Variants in PDE1C observed in about 807,000 individuals in gnomAD.
PDE1C encodes the protein phosphodiesterase 1C, also known as dual specificity calcium/calmodulin-dependent 3',5'-cyclic nucleotide phosphodiesterase 1C.
Under a neutral mutation model 93.1 loss-of-function variants are expected in PDE1C, and 62 were observed. The ratio of observed to expected loss-of-function variants is 0.67; its 90% CI spans 0.54 to 0.82. The LOEUF is 0.82. PDE1C is among the 40% of genes least tolerant of loss of function. The pLI, the probability that PDE1C is intolerant of heterozygous loss-of-function variation, is 0.00. For synonymous variants in PDE1C, 325 were observed against 310.1 expected (o/e 1.05, Z -0.50); for missense variants, 742 against 884.6 (o/e 0.84, Z 2.04).
At chr7:31,721,503 G>A in the PDE1C span, among the ~76,000 whole-genome samples, 1 of 152,148 alleles carries the variant, frequency 6.6e-6, no homozygotes, top group African/African-American at 2.4e-5. Flanking sequence ...CCACAGATTT[G>A]GAACATTAAG....
chr7:31,626,432 T>C, the PDE1C span, among the ~76,000 whole-genome samples: 1 of 152,228 alleles, frequency 6.6e-6, no homozygotes, highest in Non-Finnish European at 1.5e-5. Flanking sequence ...ATTAATCTGG[T>C]ACTATTTAGA....
chr7:32,195,599 C>T (rs1319311616), intron 2 of PDE1C, among the ~76,000 whole-genome samples: 1 of 152,084 alleles, frequency 6.6e-6, no homozygotes, highest in African/African-American at 2.4e-5. Context: ...TGCCTGTAAT[C>T]CCAGCACTTT....
At chr7:32,035,656 G>A (rs1178896675) in intron 2 of PDE1C, among the ~76,000 whole-genome samples, 1 of 152,140 alleles carries the variant, frequency 6.6e-6, no homozygotes, top group African/African-American at 2.4e-5. Flanking sequence ...TTCCTTGCGG[G>A]GGTAAAGAGC....
At chr7:31,665,790 C>T in the PDE1C span, among the ~76,000 whole-genome samples, 1 of 152,184 alleles carries the variant, frequency 6.6e-6, no homozygotes, top group Non-Finnish European at 1.5e-5. Context: ...AAGGAACAAA[C>T]TCCCACTCAA....
At chr7:32,402,297 T>C (rs1041004121) in intron 1 of PDE1C, among the ~76,000 whole-genome samples, 24 of 152,022 alleles carry the variant, frequency 1.6e-4, no homozygotes, top group Non-Finnish European at 2.8e-4. Context: ...TTATGGAGAC[T>C]GAGAAGATCC....
At chr7:31,854,262 G>A (rs563005238) in intron 7 of PDE1C, among the ~76,000 whole-genome samples, 8 of 152,258 alleles carry the variant, frequency 5.3e-5, no homozygotes, top group South Asian at 2.1e-4. Context: ...GAAAGTGGGA[G>A]AAGCTATTTT....
intron 1 of PDE1C, among the ~76,000 whole-genome samples, chr7:32,250,575 T>C (rs2392054): frequency 0.99 from 150,182 of 152,294 alleles, 74,098 homozygotes; most frequent in Middle Eastern, 1. Context: ...TGAAATCACA[T>C]GTCAGTGCTG....
intron 1 of PDE1C, among the ~76,000 whole-genome samples, chr7:32,401,520 G>C (rs539014715): frequency 1.4e-5 from 2 of 147,620 alleles, no homozygotes; most frequent in East Asian, 4.0e-4. Context: ...CTGGGCAACA[G>C]AGCAAGACTC....
At chr7:31,862,007 C>T (rs960631485) in intron 7 of PDE1C, among the ~76,000 whole-genome samples, 2 of 152,204 alleles carry the variant, frequency 1.3e-5, no homozygotes, top group African/African-American at 4.8e-5. Context: ...TGCCTTACTT[C>T]TGCTCCTTGA....
At chr7:31,992,505 T>C (rs1784262393) in intron 2 of PDE1C, among the ~76,000 whole-genome samples, 1 of 152,200 alleles carries the variant, frequency 6.6e-6, no homozygotes, top group South Asian at 2.1e-4. Context: ...TGCTGAGACC[T>C]CAGTGGGATG....
chr7:31,755,271 G>T (rs1347739647), intron 17 of PDE1C, among the ~76,000 whole-genome samples: 1 of 152,164 alleles, frequency 6.6e-6, no homozygotes, highest in Non-Finnish European at 1.5e-5. Context: ...GCTTAATAGA[G>T]ATACAGGTGA....
chr7:31,786,029 T>C (rs1783896365), intron 16 of PDE1C: 1 of 152,232 alleles, frequency 6.6e-6, no homozygotes. Flanking sequence ...TATAACATCA[T>C]TATTGCAACA....
At chr7:32,033,023 A>G (rs1046233380) in intron 2 of PDE1C, among the ~76,000 whole-genome samples, 2 of 152,108 alleles carry the variant, frequency 1.3e-5, no homozygotes, top group African/African-American at 2.4e-5. Flanking sequence ...ACAATAATTC[A>G]GAAGGTGACT....
intron 11 of PDE1C, among the ~76,000 whole-genome samples, chr7:31,836,905 C>T (rs569140046): frequency 6.6e-6 from 1 of 152,104 alleles, no homozygotes; most frequent in South Asian, 2.1e-4. Flanking sequence ...AAAAGAACCC[C>T]TCAAATGACA....
chr7:32,067,993 A>AG (rs1795600524), intron 1 of PDE1C, among the ~76,000 whole-genome samples: 1 of 152,192 alleles, frequency 6.6e-6, no homozygotes. Context: ...GGCGATACCA[A>AG]CAAGAAGGAG....
At chr7:31,828,093 C>T (rs1789920779) in intron 12 of PDE1C, among the ~76,000 whole-genome samples, 199 bp downstream of exon 12, 1 of 152,072 alleles carries the variant, frequency 6.6e-6, no homozygotes, top group Non-Finnish European at 1.5e-5. Flanking sequence ...GTATCATTGT[C>T]CAATTCTCCC....
At chr7:31,945,527 C>G (rs1806498991) in intron 2 of PDE1C, among the ~76,000 whole-genome samples, 1 of 151,950 alleles carries the variant, frequency 6.6e-6, no homozygotes, top group African/African-American at 2.4e-5. Flanking sequence ...CTTTTTCTTT[C>G]AATACTTCAA....
intron 1 of PDE1C, among the ~76,000 whole-genome samples, chr7:32,278,088 T>G (rs1185702441): frequency 1.0e-4 from 12 of 115,262 alleles, no homozygotes; most frequent in Non-Finnish European, 1.8e-5. Context: ...AAAAAGAAGC[T>G]GAAACACGGG....
chr7:31,867,018 C>A (rs1037693598), intron 6 of PDE1C, among the ~76,000 whole-genome samples: 5 of 152,052 alleles, frequency 3.3e-5, no homozygotes, highest in African/African-American at 9.7e-5. Context: ...ATATTGAGAG[C>A]CCAGCCCCCA....
Sources: allele counts gnomAD v4.1 joint callset (sites outside exome capture counted in the v4.1 genomes callset), GRCh38; gene constraint gnomAD v4.1.1; transcripts MANE v1.5; gene names NCBI Gene and HGNC (gene_info 2026-07-23, HGNC 2026-07-21).